Variants in CDH12 observed in about 807,000 individuals in gnomAD.
CDH12 encodes the protein cadherin 12, also known as cadherin-12.
A neutral mutation model predicts 74.1 loss-of-function variants in CDH12; 41 were observed. The ratio of observed to expected loss-of-function variants is 0.55; its 90% CI spans 0.43 to 0.72. CDH12 has a LOEUF of 0.72. CDH12 is among the 30% of genes least tolerant of loss of function. The pLI is 0.00. For synonymous variants in CDH12, 399 were observed against 355.0 expected (o/e 1.12, Z -1.39); for missense variants, 945 against 977.2 (o/e 0.97, Z 0.44).
intron 2 of CDH12, among the ~76,000 whole-genome samples, chr5:22,460,776 G>A (rs981572617): frequency 1.4e-5 from 2 of 137,938 alleles, no homozygotes; most frequent in African/African-American, 5.6e-5. Flanking sequence ...GATGGAGCGT[G>A]ATGGCACGAT....
At chr5:22,392,651 A>G (rs1391582828) in intron 3 of CDH12, among the ~76,000 whole-genome samples, 1 of 152,190 alleles carries the variant, frequency 6.6e-6, no homozygotes, top group Non-Finnish European at 1.5e-5. Flanking sequence ...CATTCAAGTC[A>G]TTATTGACCA....
intron 8 of CDH12, among the ~76,000 whole-genome samples, chr5:21,817,941 C>T (rs556886596): frequency 6.6e-6 from 1 of 151,834 alleles, no homozygotes. Flanking sequence ...AATTGTAATA[C>T]TCTACAAAAA....
At chr5:22,389,888 T>A (rs1199883253) in intron 3 of CDH12, among the ~76,000 whole-genome samples, 6 of 152,034 alleles carry the variant, frequency 3.9e-5, no homozygotes, top group African/African-American at 1.4e-4. Context: ...GACCTCGTGA[T>A]CTGCCCGCTT....
At chr5:22,698,410 C>T (rs1742497245) in intron 1 of CDH12, among the ~76,000 whole-genome samples, 2 of 151,378 alleles carry the variant, frequency 1.3e-5, no homozygotes, top group East Asian at 2.0e-4. Flanking sequence ...AGTGAGCCAC[C>T]GTGTCTGGCC....
chr5:22,683,232 C>T (rs1243688116), intron 1 of CDH12, among the ~76,000 whole-genome samples: 1 of 152,164 alleles, frequency 6.6e-6, no homozygotes, highest in Non-Finnish European at 1.5e-5. Flanking sequence ...ACGTTTCTTC[C>T]AGAGAGCTGT....
chr5:21,968,239 G>A (rs1756675702), intron 6 of CDH12, among the ~76,000 whole-genome samples: 1 of 152,172 alleles, frequency 6.6e-6, no homozygotes, highest in Admixed American at 6.5e-5. Context: ...TGTATTGACT[G>A]CACTTCCCCA....
chr5:22,206,862 A>C (rs1251639935), intron 4 of CDH12, among the ~76,000 whole-genome samples: 1 of 151,264 alleles, frequency 6.6e-6, no homozygotes, highest in Non-Finnish European at 1.5e-5. Context: ...GAGGAAATAA[A>C]AATACTGAGT....
intron 11 of CDH12, among the ~76,000 whole-genome samples, chr5:21,776,804 T>C (rs965730731): frequency 5.9e-5 from 9 of 152,224 alleles, no homozygotes; most frequent in Non-Finnish European, 1.2e-4. Context: ...TAACTAATTC[T>C]CATCACTGAG....
intron 3 of CDH12, among the ~76,000 whole-genome samples, chr5:22,382,813 T>A (rs1392883945): frequency 7.5e-6 from 1 of 133,612 alleles, no homozygotes; most frequent in Non-Finnish European, 1.7e-5. Context: ...CTAAATTTCA[T>A]GTTATCATTA....
In CDH12 at chr5:21,762,173, T is replaced by A. The variant is rs565597581; in HGVS notation, c.1516-1498A>T. Reference sequence around the variant, plus strand: ...ACATTACTAAATTAAATGTATAACATCAAAATCTATCAAGAACATAACTAG... The same window carrying A: ...ACATTACTAAATTAAATGTATAACAACAAAATCTATCAAGAACATAACTAG... On this transcript the variant is annotated intron_variant, in intron 12 of 14. Coordinates refer to ENST00000382254, the MANE Select transcript of CDH12 (RefSeq NM_004061.5). Among the ~76,000 whole-genome samples the A allele has an allele frequency of 1.4e-4, 21 of 152,222 alleles. 1 individual carries two copies. In the South Asian group the frequency reaches 4.3e-3, roughly 32 times the overall value.
chr5:22,525,113 T>C (rs1399307758), intron 1 of CDH12, among the ~76,000 whole-genome samples: 1 of 152,124 alleles, frequency 6.6e-6, no homozygotes, highest in African/African-American at 2.4e-5. Context: ...TCCAGCTTCA[T>C]CCATGTCCCT....
intron 8 of CDH12, among the ~76,000 whole-genome samples, chr5:21,827,164 T>G (rs1748723078): frequency 6.6e-6 from 1 of 152,206 alleles, no homozygotes; most frequent in African/African-American, 2.4e-5. Flanking sequence ...GTTCCTCATT[T>G]TGTCTGCCCA....
At chr5:22,781,701 T>C (rs919125748) in intron 1 of CDH12, among the ~76,000 whole-genome samples, 1 of 152,158 alleles carries the variant, frequency 6.6e-6, no homozygotes, top group African/African-American at 2.4e-5. Context: ...TAATTTCCCC[T>C]GCTTCTTCGG....
At chr5:22,607,953 A>AT (rs1388980148) in intron 1 of CDH12, among the ~76,000 whole-genome samples, 2 of 152,170 alleles carry the variant, frequency 1.3e-5, no homozygotes, top group Non-Finnish European at 2.9e-5. Context: ...CCAGGCAGAA[A>AT]TTTTCTGCAA....
chr5:22,777,781 C>T (rs962640130), intron 1 of CDH12, among the ~76,000 whole-genome samples: 3 of 152,076 alleles, frequency 2.0e-5, no homozygotes, highest in South Asian at 2.1e-4. Flanking sequence ...GTTATTTTCC[C>T]TTTTAATTTG....
chr5:21,985,085 C>T (rs1178503980), intron 5 of CDH12, among the ~76,000 whole-genome samples: 2 of 151,962 alleles, frequency 1.3e-5, no homozygotes, highest in Non-Finnish European at 2.9e-5. Flanking sequence ...AACACGAAGC[C>T]CCATAAGTTT....
At chr5:21,842,359 A>T in intron 7 of CDH12, 31 bp from the exon 8 acceptor site, 2 of 1,430,420 alleles carry the variant, frequency 1.4e-6, no homozygotes, top group Non-Finnish European at 1.9e-6. Context: ...ATGTAAAATA[A>T]ATATCACAAA....
chr5:22,724,885 C>G (rs556702163), intron 1 of CDH12, among the ~76,000 whole-genome samples: 4 of 151,664 alleles, frequency 2.6e-5, no homozygotes, highest in Admixed American at 6.6e-5. Context: ...TAAAAAATTT[C>G]TATATAAATT....
intron 1 of CDH12, among the ~76,000 whole-genome samples, chr5:22,596,155 A>T (rs1394632183): frequency 6.6e-6 from 1 of 151,292 alleles, no homozygotes; most frequent in African/African-American, 2.4e-5. Context: ...ATAAATAAAA[A>T]GCCAGGCATG....
Sources: gnomAD v4.1 joint callset for allele counts (sites outside exome capture counted in the v4.1 genomes callset) on GRCh38, gnomAD v4.1.1 for gene constraint, MANE v1.5 for transcripts, NCBI Gene and HGNC (gene_info 2026-07-23, HGNC 2026-07-21) for gene names.